The following ARFGAP3 variants were observed in gnomAD, a reference collection of about 807,000 sequenced individuals.
ARFGAP3 encodes ARF GTPase activating protein 3, also known as ADP-ribosylation factor GTPase-activating protein 3.
Under a neutral mutation model 75.0 loss-of-function variants are expected in ARFGAP3, and 72 were observed. That is an observed-to-expected ratio of 0.96 (90% CI 0.79 to 1.17). The LOEUF is 1.17. ARFGAP3 is among the 50% of genes most tolerant of loss of function. The pLI is 0.00. For missense variants in ARFGAP3, 620 were observed against 626.6 expected (o/e 0.99, Z 0.11); for synonymous variants, 221 against 217.9 (o/e 1.01, Z -0.13).
chr22:42,802,742 C>T (rs1223679629), intron 14 of ARFGAP3, among the ~76,000 whole-genome samples: 1 of 151,250 alleles, frequency 6.6e-6, no homozygotes, highest in Non-Finnish European at 1.5e-5. Flanking sequence ...GCTGGGACTA[C>T]AGGCGCCCAC....
chr22:42,814,832 G>C (rs1361638017), intron 11 of ARFGAP3, among the ~76,000 whole-genome samples: 1 of 152,134 alleles, frequency 6.6e-6, no homozygotes, highest in Non-Finnish European at 1.5e-5. Context: ...TGCCTCCCAG[G>C]CTCAAGTGAT....
At chr22:42,855,402 A>C (rs1306728002) in intron 1 of ARFGAP3, among the ~76,000 whole-genome samples, 1 of 152,180 alleles carries the variant, frequency 6.6e-6, no homozygotes, top group Non-Finnish European at 1.5e-5. Flanking sequence ...TTTAAAAATC[A>C]AGGCTGGGCG....
At chr22:42,827,547 G>C (rs936654159) in intron 6 of ARFGAP3, among the ~76,000 whole-genome samples, 3 of 152,126 alleles carry the variant, frequency 2.0e-5, no homozygotes, top group Non-Finnish European at 2.9e-5. Flanking sequence ...TGTATTTTTA[G>C]TAGAGATGGG....
chr22:42,839,996 T>C (rs991368136), intron 3 of ARFGAP3, among the ~76,000 whole-genome samples: 1 of 152,206 alleles, frequency 6.6e-6, no homozygotes, highest in African/African-American at 2.4e-5. Context: ...AATGGTGCGA[T>C]CTCAGCTCAC....
At chr22:42,812,545 A>T (rs940323714) in intron 11 of ARFGAP3, among the ~76,000 whole-genome samples, 1 of 152,196 alleles carries the variant, frequency 6.6e-6, no homozygotes, top group African/African-American at 2.4e-5. Flanking sequence ...CAGTAACCAA[A>T]GGCCAATATA....
At chr22:42,816,640 G>C (rs952491082) in intron 11 of ARFGAP3, among the ~76,000 whole-genome samples, 3 of 152,156 alleles carry the variant, frequency 2.0e-5, no homozygotes, top group African/African-American at 7.2e-5. Context: ...TGCTGAAGGA[G>C]AGAAACCTAG....
Position 42,798,914 on chromosome 22 carries a change from T to C in ARFGAP3, c.1533+125A>G, listed in dbSNP as rs573719126. ...TTTCATAATGTTCTGGGTTATAGTG[T>C]AGCAAACATATCGATCCAATAATAT... is the stretch of plus-strand genomic sequence containing the variant. On this transcript the variant is annotated intron_variant, in intron 15 of 15. Coordinates refer to ENST00000263245, the MANE Select transcript of ARFGAP3 (RefSeq NM_014570.5). 1.8e-4 allele frequency: 143 copies of C among 798,178 alleles called. 1 individual carries two copies. In the African/African-American group the frequency reaches 2.3e-3, roughly 13 times the overall value. The allele number at this position is 798,178 out of a possible 1,614,324, so 49.4% of individuals were successfully genotyped here. A position where few individuals can be genotyped will look rare whatever the true frequency, so the allele number is the denominator to read the frequency against.
chr22:42,842,239 A>C (rs1227219668), intron 2 of ARFGAP3, among the ~76,000 whole-genome samples: 1 of 149,386 alleles, frequency 6.7e-6, no homozygotes, highest in Non-Finnish European at 1.5e-5. Flanking sequence ...TCCCGACCTT[A>C]GGTGATCCAC....
intron 2 of ARFGAP3, among the ~76,000 whole-genome samples, chr22:42,845,805 C>T (rs944031019): frequency 1.3e-5 from 2 of 151,834 alleles, no homozygotes; most frequent in African/African-American, 2.4e-5. Flanking sequence ...TTTGGGAGGA[C>T]GAGGGGGGTG....
intron 8 of ARFGAP3, among the ~76,000 whole-genome samples, chr22:42,823,200 G>T (rs1360536430): frequency 2.0e-5 from 3 of 152,024 alleles, no homozygotes; most frequent in African/African-American, 7.2e-5. Flanking sequence ...GCTGAGGAAA[G>T]TAAAGCTCAT....
chr22:42,845,499 C>G (rs1374873480), intron 2 of ARFGAP3, among the ~76,000 whole-genome samples: 2 of 139,712 alleles, frequency 1.4e-5, no homozygotes, highest in African/African-American at 2.7e-5. Flanking sequence ...GCACCCCAGC[C>G]TGGGTGACAA....
chr22:42,811,627 G>A (rs1233469646), intron 11 of ARFGAP3, among the ~76,000 whole-genome samples: 1 of 152,168 alleles, frequency 6.6e-6, no homozygotes, highest in Non-Finnish European at 1.5e-5. Flanking sequence ...ACCATTCTGG[G>A]GATAGTCTTT....
chr22:42,831,076 G>T (rs1051622438), intron 6 of ARFGAP3, among the ~76,000 whole-genome samples: 1 of 152,030 alleles, frequency 6.6e-6, no homozygotes, highest in Non-Finnish European at 1.5e-5. Context: ...AAGGCGGGTG[G>T]ATCACCTGAG....
At chr22:42,828,289 T>C (rs1340339333) in intron 6 of ARFGAP3, among the ~76,000 whole-genome samples, 1 of 150,358 alleles carries the variant, frequency 6.7e-6, no homozygotes, top group Non-Finnish European at 1.5e-5. Context: ...CCAGGCGCGG[T>C]AGCTCACACC....
Position 42,808,880 on chromosome 22 carries a change from G to C in ARFGAP3, c.1207C>G (p.Arg403Gly), listed in dbSNP as rs1204592531. The C allele has an allele frequency of 2.5e-6, 4 of 1,607,222 alleles. No homozygotes were observed. The highest frequency in any genetic ancestry group is 3.4e-6 in the Non-Finnish European group (4 of 1,176,084). Reference protein sequence around the residue: ...TTGYSDRPTARRKPDYEPVEN... With the variant: ...TTGYSDRPTAGRKPDYEPVEN... ...ACTGGCTCATAATCTGGCTTGCGGC[G>C]AGCAGTAGGTCTGCAATTAAAAACA... Residue 403 changes from arginine (R) to glycine (G), a missense_variant, in exon 13 of 16, where the codon CGC becomes GGC. By Grantham distance (125) the Arg-to-Gly change is moderately radical. Transcript: ENST00000263245.
chr22:42,796,668 T>C lies in ARFGAP3; in HGVS notation c.*920A>G, dbSNP rs904488993. On this transcript the variant is annotated 3_prime_UTR_variant, in exon 16 of 16. Transcript: ENST00000263245. ...TACTGTGCTGAACAATATATTCTAATGCTGTCTAAAACACAGCTAAATTAT... is the reference window on the plus strand; with the variant it reads ...TACTGTGCTGAACAATATATTCTAACGCTGTCTAAAACACAGCTAAATTAT... 3.7e-4 allele frequency: 56 copies of C among 152,270 alleles called. No individual in the cohort carries two copies. The highest frequency in any genetic ancestry group is 1.3e-3 in the African/African-American group (54 of 41,466). 9.4% of individuals were successfully genotyped at this position (152,270 alleles called of 1,614,324 possible).
intron 6 of ARFGAP3, among the ~76,000 whole-genome samples, chr22:42,830,241 C>T (rs1261134306): frequency 1.3e-5 from 2 of 148,854 alleles, no homozygotes; most frequent in Non-Finnish European, 3.0e-5. Context: ...CCTCAGTCTC[C>T]CTAGTAGCTG....
intron 1 of ARFGAP3, among the ~76,000 whole-genome samples, chr22:42,856,908 C>A (rs1385234256): frequency 6.6e-6 from 1 of 150,692 alleles, no homozygotes; most frequent in Non-Finnish European, 1.5e-5. Flanking sequence ...CGCGTGAGGA[C>A]CCCCGCGCTG....
intron 4 of ARFGAP3, 67 bp downstream of exon 4, chr22:42,835,295 T>C: frequency 6.4e-7 from 1 of 1,567,562 alleles, no homozygotes; most frequent in Non-Finnish European, 8.7e-7. Context: ...CTATTCAGGA[T>C]AAAAATCACT....
Sources: gnomAD v4.1 joint callset for allele counts (sites outside exome capture counted in the v4.1 genomes callset) on GRCh38, gnomAD v4.1.1 for gene constraint, MANE v1.5 for transcripts, NCBI Gene and HGNC (gene_info 2026-07-23, HGNC 2026-07-21) for gene names.